The following DSCAML1 variants were observed in gnomAD, a reference collection of about 807,000 sequenced individuals.
The protein encoded by DSCAML1 is cell adhesion molecule DSCAML1.
A neutral mutation model predicts 200.5 loss-of-function variants in DSCAML1; 38 were observed. The observed-to-expected ratio is 0.19, with a 90% confidence interval of 0.15 to 0.25. DSCAML1 has a LOEUF of 0.25. Ranked by LOEUF, DSCAML1 falls within the 10% of genes least tolerant of loss-of-function variation. The pLI is 1.00. For missense variants in DSCAML1, 2,223 were observed against 2,858.8 expected (o/e 0.78, Z 5.07); for synonymous variants, 1,215 against 1,165.0 (o/e 1.04, Z -0.87).
chr11:117,521,394 C>T lies in DSCAML1; in HGVS notation c.949G>A (p.Val317Met), dbSNP rs774488473. 6.2e-7 allele frequency: 1 copy of T among 1,612,878 alleles called. No individual in the cohort carries two copies. Among genetic ancestry groups the T allele is most frequent in the Non-Finnish European group, 8.5e-7 (1 of 1,179,068 alleles). ...TTCAGCTTCTTTGGTGTCAGGGTCA[C>T]ATGAAGGGGATCTGGGCCGGGCCAG... ...GILMVIDPLH[V>M]TLTPKKLKTG... The change falls in exon 6 of 33, where the codon GTG becomes ATG. Residue 317 changes from valine (V) to methionine (M), a missense_variant. Transcript: ENST00000651296.
intron 3 of DSCAML1, among the ~76,000 whole-genome samples, chr11:117,554,197 G>A (rs1364150780): frequency 6.6e-6 from 1 of 152,130 alleles, no homozygotes; most frequent in East Asian, 1.9e-4. Context: ...CAGAGTTTCT[G>A]ATGACAAAGT....
At chr11:117,799,898 G>A (rs2055641392), upstream of DSCAML1, among the ~76,000 whole-genome samples, 1 of 152,236 alleles carries the variant, frequency 6.6e-6, no homozygotes, top group Admixed American at 6.5e-5. Context: ...CTTGACCTGT[G>A]GGAACTGGGA....
rs887415000 is a variant in DSCAML1 at position 117,538,427 on chromosome 11, G to A, written c.512-5905C>T. 7.9e-5 allele frequency among the ~76,000 whole-genome samples: 12 copies of A among 152,298 alleles called. 1 individual carries two copies. The highest frequency in any genetic ancestry group is 2.9e-4 in the African/African-American group (12 of 41,564). ...AAGATGAAGGGCCGGAGTAGCTGAG[G>A]TTGGGGCTGCCGGGCCCCCAGCGCC... On this transcript the variant is annotated intron_variant, in intron 3 of 32. Transcript: ENST00000651296.
At chr11:117,764,317 C>T (rs1295906605) in intron 3 of DSCAML1, among the ~76,000 whole-genome samples, 1 of 152,184 alleles carries the variant, frequency 6.6e-6, no homozygotes, top group Non-Finnish European at 1.5e-5. Context: ...GTGAACACAT[C>T]TATGTACCTA....
intron 3 of DSCAML1, among the ~76,000 whole-genome samples, chr11:117,610,721 CT>C (rs2051671788): frequency 6.6e-6 from 1 of 151,760 alleles, no homozygotes; most frequent in Non-Finnish European, 1.5e-5. Flanking sequence ...AATGATTGCC[CT>C]GTATTCAATT....
chr11:117,532,552 A>T, intron 3 of DSCAML1, 30 bp from the exon 4 acceptor site: 1 of 1,602,958 alleles, frequency 6.2e-7, no homozygotes, highest in Non-Finnish European at 8.5e-7. Context: ...ATAGTTCGTT[A>T]CTTCCCGGTT....
chr11:117,741,674 A>G (rs1032667520), intron 3 of DSCAML1, among the ~76,000 whole-genome samples: 1 of 152,202 alleles, frequency 6.6e-6, no homozygotes, highest in African/African-American at 2.4e-5. Flanking sequence ...CCCCTTTTCC[A>G]GGCTGCTCCA....
Position 117,679,864 on chromosome 11 carries a change from A to G in DSCAML1, c.511+96927T>C, listed in dbSNP as rs75928940. ...GAAGAGCAGTCCCTCCACAATGATT[A>G]TAAAGAATTCAGATGTCAGATATGA... is the stretch of plus-strand genomic sequence containing the variant. On this transcript the variant is annotated intron_variant, in intron 3 of 32. Transcript: ENST00000651296. Among the ~76,000 whole-genome samples, 36 of 152,310 alleles carry G rather than the reference A, an allele frequency of 2.4e-4. No individual in the cohort carries two copies. In the East Asian group the frequency reaches 6.7e-3, roughly 29 times the overall value.
intron 3 of DSCAML1, among the ~76,000 whole-genome samples, chr11:117,565,697 T>A (rs1326233615): frequency 6.6e-6 from 1 of 152,092 alleles, no homozygotes; most frequent in African/African-American, 2.4e-5. Context: ...CTGTCTCACC[T>A]TTTTGGTGTT....
intron 3 of DSCAML1, among the ~76,000 whole-genome samples, chr11:117,561,294 G>A (rs1194373691): frequency 6.6e-6 from 1 of 152,226 alleles, no homozygotes; most frequent in Non-Finnish European, 1.5e-5. Flanking sequence ...GGAGACCTGA[G>A]TTCTAACCAG....
At chr11:117,661,564 T>C (rs1402601723) in intron 3 of DSCAML1, among the ~76,000 whole-genome samples, 4 of 152,098 alleles carry the variant, frequency 2.6e-5, no homozygotes, top group South Asian at 2.1e-4. Context: ...AGCCCCAGAT[T>C]CTCTCCCCTC....
At chr11:117,477,349 AGTGTGT>A (rs5795087) in intron 14 of DSCAML1, among the ~76,000 whole-genome samples, 16,703 of 140,052 alleles carry the variant, frequency 0.12, 889 homozygotes, top group South Asian at 0.19. Context: ...TGGTTCTGAA[AGTGTGT>A]GTGTGTGTGT....
intron 11 of DSCAML1, among the ~76,000 whole-genome samples, chr11:117,486,886 G>GAA (rs57875880): frequency 1.4e-4 from 17 of 120,398 alleles, no homozygotes; most frequent in Non-Finnish European, 2.1e-4. Context: ...AATGTAGGAA[G>GAA]AAAAAAAAAA....
At chr11:117,570,884 G>A (rs1257377700) in intron 3 of DSCAML1, among the ~76,000 whole-genome samples, 1 of 152,250 alleles carries the variant, frequency 6.6e-6, no homozygotes, top group Non-Finnish European at 1.5e-5. Context: ...CTGAAGCCTT[G>A]TTCCTTTGAG....
intron 3 of DSCAML1, among the ~76,000 whole-genome samples, chr11:117,608,802 C>T (rs977090435): frequency 6.6e-5 from 10 of 152,142 alleles, no homozygotes; most frequent in Non-Finnish European, 1.2e-4. Flanking sequence ...CACCATAAAT[C>T]GGTACCACTC....
At chr11:117,471,808 A>G in intron 15 of DSCAML1, 61 bp downstream of exon 15, 1 of 1,252,646 alleles carries the variant, frequency 8.0e-7, no homozygotes. Flanking sequence ...GGATCGCTGT[A>G]GGCCCCTGGT....
intron 3 of DSCAML1, among the ~76,000 whole-genome samples, chr11:117,637,286 G>A (rs560490831): frequency 6.6e-6 from 1 of 152,128 alleles, no homozygotes; most frequent in South Asian, 2.1e-4. Context: ...TAACAGCAGA[G>A]ACCAGGCCCT....
intron 3 of DSCAML1, among the ~76,000 whole-genome samples, chr11:117,539,630 A>G (rs916596525): frequency 2.1e-5 from 3 of 140,592 alleles, no homozygotes; most frequent in African/African-American, 7.9e-5. Context: ...AAAAAAAAAA[A>G]GGAATAAAGG....
chr11:117,428,570 G>A lies in DSCAML1; in HGVS notation c.5920C>T (p.Leu1974=). 1 of 1,577,706 alleles carries A rather than the reference G, an allele frequency of 6.3e-7. No homozygotes were observed. Among genetic ancestry groups the A allele is most frequent in the Non-Finnish European group, 8.6e-7 (1 of 1,162,314 alleles). The change falls in exon 33 of 33, where the codon CTG becomes TTG. Residue 1974 remains leucine (L), a synonymous_variant. Transcript: ENST00000651296. ...CCGGCTGGGGGGGCTGGCATGGCCA[G>A]AGTCCTCTGAGGTAAGGTGGCTGTG... ...ASTATLPQRT[L]AMPAPPAGTA...
Sources: allele counts gnomAD v4.1 joint callset (sites outside exome capture counted in the v4.1 genomes callset), GRCh38; gene constraint gnomAD v4.1.1; transcripts MANE v1.5; gene names NCBI Gene and HGNC (gene_info 2026-07-23, HGNC 2026-07-21).